Variants in PICALM observed in about 807,000 individuals in gnomAD.
PICALM encodes the protein phosphatidylinositol-binding clathrin assembly protein.
PICALM carries 40 observed loss-of-function variants against 80.5 expected under a neutral mutation model. That is an observed-to-expected ratio of 0.50 (90% confidence interval 0.39 to 0.65). PICALM has a LOEUF of 0.65. Ranked by LOEUF, PICALM falls within the 30% of genes least tolerant of loss-of-function variation. PICALM has a pLI of 0.00. For missense variants in PICALM, 676 were observed against 778.9 expected (o/e 0.87, Z 1.57); for synonymous variants, 288 against 260.3 (o/e 1.11, Z -1.02).
chr11:85,979,193 A>C (rs1203602566), intron 17 of PICALM, among the ~76,000 whole-genome samples: 2 of 152,196 alleles, frequency 1.3e-5, no homozygotes, highest in Non-Finnish European at 2.9e-5. Context: ...CAAAGTTTTA[A>C]AATCAGTGAT....
Position 85,974,743 on chromosome 11 carries a change from G to T in PICALM, c.1909C>A (p.Pro637Thr). The T allele has an allele frequency of 1.2e-6, 2 of 1,613,476 alleles. No homozygotes were observed. ...GATACAGGGCCAAAGGGGTTTGGAGGTCTCATGACAGGCTGGCTGTATATT... is the reference window on the plus strand; with the variant it reads ...GATACAGGGCCAAAGGGGTTTGGAGTTCTCATGACAGGCTGGCTGTATATT... The part of the protein sequence containing the change: ...TLIYSQPVMR[P>T]PNPFGPVSGA... The change falls in exon 19 of 20, where the codon CCT becomes ACT. Residue 637 changes from proline (P) to threonine (T), a missense_variant. Transcript: ENST00000393346.
intron 1 of PICALM, among the ~76,000 whole-genome samples, chr11:86,064,374 G>C (rs1302051078): frequency 2.0e-5 from 3 of 152,120 alleles, no homozygotes; most frequent in Non-Finnish European, 4.4e-5. Context: ...AAAAAACAGA[G>C]ACATACAGGA....
intron 19 of PICALM, among the ~76,000 whole-genome samples, chr11:85,972,511 G>A (rs10501604): frequency 0.16 from 24,265 of 152,066 alleles, 2,272 homozygotes; most frequent in East Asian, 0.47. Context: ...TTAAAGAATC[G>A]GCTAACACAA....
chr11:86,061,462 C>T (rs2096364670), intron 1 of PICALM, among the ~76,000 whole-genome samples: 1 of 151,754 alleles, frequency 6.6e-6, no homozygotes, highest in African/African-American at 2.4e-5. Context: ...GGACAATGAC[C>T]TTAACGGACA....
chr11:85,970,626 G>A (rs1469490768), intron 19 of PICALM, among the ~76,000 whole-genome samples: 1 of 152,192 alleles, frequency 6.6e-6, no homozygotes, highest in African/African-American at 2.4e-5. Context: ...GACCAGCCTG[G>A]CCAACATGGT....
At chr11:85,966,914 G>A (rs1372726256) in intron 19 of PICALM, among the ~76,000 whole-genome samples, 1 of 152,212 alleles carries the variant, frequency 6.6e-6, no homozygotes, top group African/African-American at 2.4e-5. Flanking sequence ...AGGGAGCATG[G>A]CTCTGCCGAT....
intron 19 of PICALM, among the ~76,000 whole-genome samples, chr11:85,966,615 G>C (rs1267420751): frequency 6.6e-6 from 1 of 152,172 alleles, no homozygotes; most frequent in Non-Finnish European, 1.5e-5. Context: ...CTGCTGAATT[G>C]TGACCCCCCA....
At chr11:86,003,034 T>A (rs1287450259) in intron 9 of PICALM, among the ~76,000 whole-genome samples, 1 of 151,872 alleles carries the variant, frequency 6.6e-6, no homozygotes, top group African/African-American at 2.4e-5. Flanking sequence ...AAAAAATGTA[T>A]CTTATAACTA....
intron 19 of PICALM, among the ~76,000 whole-genome samples, chr11:85,959,807 TAGCCCC>T (rs2093629228): frequency 6.6e-6 from 1 of 152,010 alleles, no homozygotes; most frequent in South Asian, 2.1e-4. Context: ...CTTGAACTAC[TAGCCCC>T]AAGTGATCCT....
chr11:86,042,270 A>C (rs1160790024), intron 1 of PICALM, among the ~76,000 whole-genome samples: 1 of 152,144 alleles, frequency 6.6e-6, no homozygotes, highest in East Asian at 1.9e-4. Flanking sequence ...GGGATGAGGA[A>C]AATCATATTT....
At chr11:86,042,262 G>T (rs2095985324) in intron 1 of PICALM, among the ~76,000 whole-genome samples, 1 of 151,946 alleles carries the variant, frequency 6.6e-6, no homozygotes, top group Non-Finnish European at 1.5e-5. Flanking sequence ...TACTGTAAGG[G>T]ATGAGGAAAA....
In PICALM at chr11:86,028,648, G is replaced by A. The variant is rs554569293; in HGVS notation, c.274-2281C>T. On this transcript the variant is annotated intron_variant, in intron 2 of 19. Transcript: ENST00000393346. ...AGAAGTGACTTACCCAAGTCACCCA[G>A]TTGGTAAGTGAACAACAGTATAAAA... is the stretch of plus-strand genomic sequence containing the variant. Among the ~76,000 whole-genome samples the A allele has an allele frequency of 2.0e-5, 3 of 152,220 alleles. No individual in the cohort carries two copies. The South Asian group carries it at 6.2e-4, about 32-fold the overall frequency.
intron 13 of PICALM, among the ~76,000 whole-genome samples, chr11:85,986,364 A>ATTTT (rs2094569991): frequency 2.2e-5 from 2 of 89,420 alleles, no homozygotes; most frequent in African/African-American, 3.9e-5. Context: ...GCCAACTTTT[A>ATTTT]ATTTTTTTTT....
chr11:86,017,596 T>G (rs978672647), intron 4 of PICALM, among the ~76,000 whole-genome samples: 9 of 152,212 alleles, frequency 5.9e-5, no homozygotes, highest in Non-Finnish European at 8.8e-5. Context: ...AACATCGTAA[T>G]TTTACAGATG....
chr11:86,069,093 G>T, upstream of PICALM: 1 of 312,264 alleles, frequency 3.2e-6, no homozygotes, highest in Non-Finnish European at 6.0e-6. Context: ...GCGGCGCCAG[G>T]CTCCTCCTCG....
Position 86,068,875 on chromosome 11 carries a change from A to AC in PICALM, c.-96dup. The AC allele has an allele frequency of 7.2e-7, 1 of 1,386,942 alleles. No homozygotes were observed. Among genetic ancestry groups the AC allele is most frequent in the Non-Finnish European group, 9.4e-7 (1 of 1,062,748 alleles). The allele number at this position is 1,386,942 out of a possible 1,614,324, so 85.9% of individuals were successfully genotyped here. ...GTCCCCACCCCCCACCGCACCCCCT[A>AC]CCCCCACCGGCTCCTTCCCCGCCTG... On this transcript the variant is annotated 5_prime_UTR_variant, in exon 1 of 20. Coordinates refer to ENST00000393346, the MANE Select transcript of PICALM (RefSeq NM_007166.4).
At chr11:86,040,570 C>A (rs1033762498) in intron 1 of PICALM, among the ~76,000 whole-genome samples, 1 of 152,240 alleles carries the variant, frequency 6.6e-6, no homozygotes, top group Admixed American at 6.5e-5. Flanking sequence ...ATGAGGCTGA[C>A]TGCTTCATCT....
At chr11:86,009,748 G>A (rs2095359061) in intron 7 of PICALM, among the ~76,000 whole-genome samples, 2 of 151,974 alleles carry the variant, frequency 1.3e-5, no homozygotes, top group Admixed American at 6.6e-5. Flanking sequence ...CAAATGCAAA[G>A]AACATAAAAG....
chr11:85,978,348 C>T (rs562073702), intron 17 of PICALM: 1 of 319,068 alleles, frequency 3.1e-6, no homozygotes, highest in African/African-American at 2.1e-5. Flanking sequence ...ACCATTAAAA[C>T]ATCAATTCTA....
Sources: gnomAD v4.1 joint callset for allele counts (sites outside exome capture counted in the v4.1 genomes callset) on GRCh38, gnomAD v4.1.1 for gene constraint, MANE v1.5 for transcripts, NCBI Gene and HGNC (gene_info 2026-07-23, HGNC 2026-07-21) for gene names.